Variants in PARD3 observed in about 807,000 individuals in gnomAD.
PARD3 encodes the protein partitioning defective 3 homolog.
A neutral mutation model predicts 155.4 loss-of-function variants in PARD3; 75 were observed. The observed-to-expected ratio is 0.48, with a 90% confidence interval of 0.40 to 0.58. The LOEUF (loss-of-function observed/expected upper bound fraction) is 0.58. Ranked by LOEUF, PARD3 falls within the 20% of genes least tolerant of loss-of-function variation. The probability of loss-of-function intolerance (pLI) is 0.00; values close to 1 mark genes in which losing one functional copy is unlikely to be tolerated. For synonymous variants in PARD3, 576 were observed against 610.5 expected, an observed-to-expected ratio of 0.94 and a Z score of 0.83; for missense variants, 1,642 against 1,721.7, an observed-to-expected ratio of 0.95 and a Z score of 0.82.
chr10:34,384,139 T>C lies in PARD3; in HGVS notation c.1006A>G (p.Arg336Gly). ...RINDGDLRNR[R>G]FEQAQHMFRQ... is the part of the protein sequence containing the mutation. ...CGAGCACACACTTACTGTTCAAATC[T>C]TCTATTTCGAAGGTCGCCATCATTA... The change falls in exon 8 of 25, where the codon AGA becomes GGA. Residue 336 changes from arginine to glycine, a missense_variant. Coordinates refer to ENST00000374788, the MANE Select transcript of PARD3 (RefSeq NM_001184785.2). 1 of 1,613,754 alleles carries C rather than the reference T, an allele frequency of 6.2e-7. No homozygotes were observed. The highest frequency in any genetic ancestry group is 8.5e-7 in the Non-Finnish European group (1 of 1,179,906).
In PARD3 at chr10:34,540,372, G is replaced by A. The variant is rs114708338; in HGVS notation, c.223-23213C>T. On this transcript the variant is annotated intron_variant, in intron 2 of 24. Transcript: ENST00000374788. ...CCAAACATAGTATCTGCTATACCTC[G>A]TGTTCTAGCATGAGAATTCATGGAA... Among the ~76,000 whole-genome samples, 208 of 151,662 alleles carry A rather than the reference G, an allele frequency of 1.4e-3. 1 individual carries two copies. The highest frequency in any genetic ancestry group is 4.5e-3 in the African/African-American group (186 of 41,318).
chr10:34,189,042 C>T (rs941932833), intron 22 of PARD3, among the ~76,000 whole-genome samples: 16 of 152,164 alleles, frequency 1.1e-4, no homozygotes, highest in Non-Finnish European at 4.4e-5. Flanking sequence ...AATACTAAGA[C>T]ATTTCTTGGC....
intron 23 of PARD3, among the ~76,000 whole-genome samples, chr10:34,128,275 C>A (rs541871912): frequency 1.3e-5 from 2 of 152,166 alleles, no homozygotes; most frequent in Non-Finnish European, 2.9e-5. Context: ...CACTCTGAGA[C>A]AAGACTTACT....
chr10:34,694,436 T>C (rs2094127419), intron 2 of PARD3, among the ~76,000 whole-genome samples: 1 of 146,238 alleles, frequency 6.8e-6, no homozygotes, highest in East Asian at 2.0e-4. Flanking sequence ...CCAAGAAAAA[T>C]AGCATCAGAA....
chr10:34,615,289 A>G (rs1228554961), intron 2 of PARD3, among the ~76,000 whole-genome samples: 2 of 152,234 alleles, frequency 1.3e-5, no homozygotes, highest in Non-Finnish European at 2.9e-5. Flanking sequence ...AAACAGACAC[A>G]TGGACCAAAA....
At chr10:34,497,592 A>C (rs535152556) in intron 3 of PARD3, among the ~76,000 whole-genome samples, 2 of 152,202 alleles carry the variant, frequency 1.3e-5, no homozygotes, top group Non-Finnish European at 2.9e-5. Context: ...TATTTTCTGC[A>C]CTACAGTGTA....
chr10:34,339,544 T>A (rs1170094707), intron 16 of PARD3, among the ~76,000 whole-genome samples: 1 of 152,212 alleles, frequency 6.6e-6, no homozygotes, highest in Non-Finnish European at 1.5e-5. Context: ...TAATTTTATA[T>A]CCTCTAAAAT....
chr10:34,767,921 CA>C (rs1050955199), intron 1 of PARD3, among the ~76,000 whole-genome samples: 6 of 140,542 alleles, frequency 4.3e-5, no homozygotes, highest in East Asian at 2.1e-4. Flanking sequence ...GACTCTGTCT[CA>C]AAAAAAAAAG....
chr10:34,153,501 AG>A (rs1271456428), intron 22 of PARD3, among the ~76,000 whole-genome samples: 1 of 152,234 alleles, frequency 6.6e-6, no homozygotes, highest in African/African-American at 2.4e-5. Flanking sequence ...CTTAATGTAC[AG>A]TATTACAAGA....
At chr10:34,636,511 G>A (rs1407374526) in intron 2 of PARD3, among the ~76,000 whole-genome samples, 1 of 152,228 alleles carries the variant, frequency 6.6e-6, no homozygotes, top group Admixed American at 6.5e-5. Context: ...AACCCAGACA[G>A]TTACCGCACA....
At chr10:34,796,502 G>A (rs1216183205) in intron 1 of PARD3, among the ~76,000 whole-genome samples, 1 of 152,202 alleles carries the variant, frequency 6.6e-6, no homozygotes, top group Non-Finnish European at 1.5e-5. Flanking sequence ...ATTTGAAACT[G>A]CTGAATATTA....
chr10:34,209,422 C>T lies in PARD3; in HGVS notation c.3419+60235G>A, dbSNP rs760339220. Reference sequence around the variant, plus strand: ...ATCAGGGGCAGTAACGGAGTTTGAGCGAGGAAGAGAATTGCTTCAAGAAGC... The same window carrying T: ...ATCAGGGGCAGTAACGGAGTTTGAGTGAGGAAGAGAATTGCTTCAAGAAGC... On this transcript the variant is annotated intron_variant, in intron 22 of 24. Transcript: ENST00000374788. Among the ~76,000 whole-genome samples, 5 of 152,074 alleles carry T rather than the reference C, an allele frequency of 3.3e-5. No individual in the cohort carries two copies. In the South Asian group the frequency reaches 6.2e-4, roughly 19 times the overall value.
At chr10:34,724,951 A>G (rs1025164455) in intron 1 of PARD3, among the ~76,000 whole-genome samples, 1 of 152,230 alleles carries the variant, frequency 6.6e-6, no homozygotes, top group Non-Finnish European at 1.5e-5. Flanking sequence ...CTCATTCAGT[A>G]CAAGCAATGG....
intron 1 of PARD3, among the ~76,000 whole-genome samples, chr10:34,763,757 C>T (rs1049252637): frequency 3.9e-5 from 6 of 152,162 alleles, no homozygotes; most frequent in African/African-American, 1.4e-4. Flanking sequence ...CTGGAACCCA[C>T]ATCTCCTGGC....
At chr10:34,277,064 C>G (rs1236056402) in intron 21 of PARD3, among the ~76,000 whole-genome samples, 1 of 152,090 alleles carries the variant, frequency 6.6e-6, no homozygotes, top group Non-Finnish European at 1.5e-5. Context: ...ACATTTTACC[C>G]CCAACTTACT....
In PARD3 at chr10:34,558,262, C is replaced by T. The variant is rs570078726; in HGVS notation, c.223-41103G>A. On this transcript the variant is annotated intron_variant, in intron 2 of 24. Coordinates refer to ENST00000374788, the MANE Select transcript of PARD3 (RefSeq NM_001184785.2). The stretch of plus-strand genomic sequence containing the variant: ...GAGGTTTATGTATGATCTACTTATT[C>T]CAAAACCAATTTGAGTGGATGCTGT... Among the ~76,000 whole-genome samples the T allele has an allele frequency of 1.8e-4, 27 of 152,258 alleles. No individual in the cohort carries two copies. The South Asian group carries it at 5.6e-3, about 32-fold the overall frequency.
chr10:34,385,050 A>G (rs1228051010), intron 7 of PARD3, among the ~76,000 whole-genome samples: 3 of 152,354 alleles, frequency 2.0e-5, no homozygotes, highest in East Asian at 3.8e-4. Flanking sequence ...ACTGGGACAA[A>G]TAAGAAATAC....
intron 24 of PARD3, among the ~76,000 whole-genome samples, chr10:34,117,227 A>G (rs1946725320): frequency 6.6e-6 from 1 of 152,214 alleles, no homozygotes; most frequent in African/African-American, 2.4e-5. Context: ...CCTTAGAGAC[A>G]CTCTCAGGCA....
intron 2 of PARD3, among the ~76,000 whole-genome samples, chr10:34,577,277 C>T (rs901944923): frequency 6.6e-6 from 1 of 152,164 alleles, no homozygotes; most frequent in Admixed American, 6.5e-5. Context: ...ATTAATACAC[C>T]TGCAGAGTTT....
Sources: gnomAD v4.1 joint callset for allele counts (sites outside exome capture counted in the v4.1 genomes callset) on GRCh38, gnomAD v4.1.1 for gene constraint, MANE v1.5 for transcripts, NCBI Gene and HGNC (gene_info 2026-07-23, HGNC 2026-07-21) for gene names.